The following AUTS2 variants were observed in gnomAD, a reference collection of about 807,000 sequenced individuals.
The protein encoded by AUTS2 is autism susceptibility gene 2 protein.
A neutral mutation model predicts 112.4 loss-of-function variants in AUTS2; 17 were observed. The ratio of observed to expected loss-of-function variants is 0.15; its 90% CI spans 0.10 to 0.23. The LOEUF (loss-of-function observed/expected upper bound fraction) is 0.23. Ranked by LOEUF, AUTS2 falls within the 10% of genes least tolerant of loss-of-function variation. The pLI is 1.00. For missense variants in AUTS2, 1,510 were observed against 1,701.6 expected, an observed-to-expected ratio of 0.89 and a Z score of 1.98; for synonymous variants, 751 against 702.7, an observed-to-expected ratio of 1.07 and a Z score of -1.09.
chr7:70,043,221 C>T (rs938262220), intron 2 of AUTS2, among the ~76,000 whole-genome samples: 1 of 152,140 alleles, frequency 6.6e-6, no homozygotes, highest in African/African-American at 2.4e-5. Flanking sequence ...CGCCTCTTTG[C>T]TGCACATAAC....
chr7:70,602,659 T>G (rs558348647), intron 5 of AUTS2, among the ~76,000 whole-genome samples: 1 of 152,320 alleles, frequency 6.6e-6, no homozygotes, highest in Admixed American at 6.5e-5. Flanking sequence ...AATTCTCAGT[T>G]TCTTCCAGGA....
chr7:69,711,260 A>G (rs1040146669), intron 1 of AUTS2, among the ~76,000 whole-genome samples: 2 of 152,182 alleles, frequency 1.3e-5, no homozygotes, highest in African/African-American at 4.8e-5. Context: ...TAGTTTAAGA[A>G]TGAGCTCATT....
chr7:69,940,148 C>CT (rs1398094023), intron 2 of AUTS2, among the ~76,000 whole-genome samples: 1 of 152,202 alleles, frequency 6.6e-6, no homozygotes, highest in Non-Finnish European at 1.5e-5. Context: ...GGTTTCACAA[C>CT]TTACAAATAG....
chr7:70,442,447 T>C (rs532329842), intron 5 of AUTS2, among the ~76,000 whole-genome samples: 1 of 152,328 alleles, frequency 6.6e-6, no homozygotes, highest in South Asian at 2.1e-4. Context: ...AACTTATAAA[T>C]AGACAATTTC....
chr7:70,609,000 T>G (rs1341059647), intron 5 of AUTS2, among the ~76,000 whole-genome samples: 7 of 152,250 alleles, frequency 4.6e-5, no homozygotes, highest in Non-Finnish European at 1.0e-4. Context: ...TACAACATGA[T>G]GTTCTAAAAT....
At chr7:70,218,507 A>G (rs1247343055) in intron 4 of AUTS2, among the ~76,000 whole-genome samples, 1 of 152,110 alleles carries the variant, frequency 6.6e-6, no homozygotes, top group Non-Finnish European at 1.5e-5. Context: ...AGGGTCTGTG[A>G]TCGGCCACTG....
intron 5 of AUTS2, among the ~76,000 whole-genome samples, chr7:70,639,069 T>C (rs979982747): frequency 1.3e-5 from 2 of 152,128 alleles, no homozygotes; most frequent in East Asian, 1.9e-4. Context: ...TCCATAACTC[T>C]TACAAATGTA....
intron 5 of AUTS2, among the ~76,000 whole-genome samples, chr7:70,536,571 GCTTTTTTTT>G (rs1435192308): frequency 1.3e-5 from 1 of 79,656 alleles, no homozygotes; most frequent in Non-Finnish European, 2.5e-5. Context: ...AGAAGCCAAG[GCTTTTTTTT>G]TTTTTTTTTT....
Position 69,909,818 on chromosome 7 carries a change from T to C in AUTS2, c.522+10320T>C, listed in dbSNP as rs545092706. On this transcript the variant is annotated intron_variant, in intron 2 of 18. Transcript: ENST00000342771. ...GTAGCATTCTTTTTTTATATATTGC[T>C]ATGAGGCCAAAAATGCTATTTTCCT... Among the ~76,000 whole-genome samples the C allele has an allele frequency of 1.8e-4, 28 of 152,328 alleles. No individual in the cohort carries two copies. The South Asian group carries it at 5.6e-3, about 30-fold the overall frequency.
intron 1 of AUTS2, among the ~76,000 whole-genome samples, chr7:69,893,680 C>T (rs1794620080): frequency 6.6e-6 from 1 of 152,116 alleles, no homozygotes; most frequent in African/African-American, 2.4e-5. Flanking sequence ...ATGGACTGCC[C>T]TCAGGTTAGT....
intron 1 of AUTS2, among the ~76,000 whole-genome samples, chr7:69,855,299 A>G (rs532000941): frequency 6.6e-6 from 1 of 152,206 alleles, no homozygotes; most frequent in African/African-American, 2.4e-5. Context: ...TGAAATTAAC[A>G]TTTTCTGTTT....
chr7:70,090,571 C>A (rs1301818835), intron 2 of AUTS2, among the ~76,000 whole-genome samples: 1 of 151,780 alleles, frequency 6.6e-6, no homozygotes, highest in Non-Finnish European at 1.5e-5. Flanking sequence ...ACCATATTGG[C>A]CAGGCTGCTA....
chr7:69,674,978 A>G (rs552740637), intron 1 of AUTS2, among the ~76,000 whole-genome samples: 20 of 152,320 alleles, frequency 1.3e-4, no homozygotes, highest in African/African-American at 4.1e-4. Flanking sequence ...ATTTGTTAAT[A>G]TGTTAGTCTG....
intron 1 of AUTS2, among the ~76,000 whole-genome samples, chr7:69,738,116 G>A (rs1463216447): frequency 6.6e-6 from 1 of 152,084 alleles, no homozygotes; most frequent in African/African-American, 2.4e-5. Context: ...TGTGCCTTTG[G>A]AAGGGAGAGA....
At chr7:69,958,397 G>A (rs1003177180) in intron 2 of AUTS2, among the ~76,000 whole-genome samples, 10 of 152,106 alleles carry the variant, frequency 6.6e-5, no homozygotes, top group African/African-American at 2.4e-4. Flanking sequence ...ACTTGCTTCT[G>A]GTGCCACTGC....
chr7:70,781,539 C>T (rs548201882), intron 14 of AUTS2, 76 bp from the exon 15 acceptor site: 1,272 of 1,546,290 alleles, frequency 8.2e-4, no homozygotes, highest in Non-Finnish European at 1.1e-3. Context: ...TCACAGTCTC[C>T]AGCTCCAGCT....
At chr7:70,789,164 A>AGCCTTTCTC (rs1352105781) in intron 18 of AUTS2, among the ~76,000 whole-genome samples, 1 of 152,104 alleles carries the variant, frequency 6.6e-6, no homozygotes, top group African/African-American at 2.4e-5. Context: ...CTTCCTTTTG[A>AGCCTTTCTC]GCCTTTCTCA....
chr7:70,659,352 C>G (rs2129542636), intron 5 of AUTS2, among the ~76,000 whole-genome samples: 1 of 152,330 alleles, frequency 6.6e-6, no homozygotes, highest in South Asian at 2.1e-4. Flanking sequence ...TATAATGGGT[C>G]TGGGTGTGGC....
At chr7:69,660,717 G>A (rs928703247) in intron 1 of AUTS2, among the ~76,000 whole-genome samples, 1 of 152,156 alleles carries the variant, frequency 6.6e-6, no homozygotes. Context: ...CAGATCACGA[G>A]GTCAGGAGAT....
Sources: gnomAD v4.1 joint callset for allele counts (sites outside exome capture counted in the v4.1 genomes callset) on GRCh38, gnomAD v4.1.1 for gene constraint, MANE v1.5 for transcripts, NCBI Gene and HGNC (gene_info 2026-07-23, HGNC 2026-07-21) for gene names.